Variants in SAMD12 observed in about 807,000 individuals in gnomAD.
SAMD12 encodes sterile alpha motif domain containing 12.
In SAMD12, 9 loss-of-function variants were observed where a neutral mutation model predicts 15.0. That is an observed-to-expected ratio of 0.60 (90% CI 0.36 to 1.05). The LOEUF (loss-of-function observed/expected upper bound fraction) is 1.05, where lower values mean the gene tolerates loss of function less well. SAMD12 is among the 50% of genes least tolerant of loss of function. The probability of loss-of-function intolerance (pLI) is 0.01; values close to 1 mark genes in which losing one functional copy is unlikely to be tolerated. For synonymous variants in SAMD12, 86 were observed against 90.1 expected (o/e 0.96, Z 0.25); for missense variants, 230 against 234.2 (o/e 0.98, Z 0.12).
chr8:118,530,981 C>A (rs770456819), intron 2 of SAMD12, among the ~76,000 whole-genome samples: 5 of 152,164 alleles, frequency 3.3e-5, no homozygotes, highest in Non-Finnish European at 5.9e-5. Context: ...GCTAGGGCTA[C>A]AGGCACATGC....
intron 4 of SAMD12, among the ~76,000 whole-genome samples, chr8:118,298,999 A>G (rs1422000778): frequency 6.6e-6 from 1 of 152,176 alleles, no homozygotes; most frequent in East Asian, 1.9e-4. Context: ...CTTTGGTTTC[A>G]TATAAGGTAG....
intron 4 of SAMD12, among the ~76,000 whole-genome samples, chr8:118,272,250 C>T (rs1813374849): frequency 6.6e-6 from 1 of 152,358 alleles, no homozygotes; most frequent in African/African-American, 2.4e-5. Flanking sequence ...GGGGCTTACA[C>T]CCTCTTAAGC....
chr8:118,612,791 A>T (rs1450020898), intron 1 of SAMD12, among the ~76,000 whole-genome samples: 1 of 152,368 alleles, frequency 6.6e-6, no homozygotes, highest in Non-Finnish European at 1.5e-5. Flanking sequence ...CATGATTACC[A>T]ATTACTGGAA....
chr8:118,507,066 T>C (rs1301365893), intron 2 of SAMD12, among the ~76,000 whole-genome samples: 1 of 152,074 alleles, frequency 6.6e-6, no homozygotes, highest in African/African-American at 2.4e-5. Context: ...ACATAATCAG[T>C]CTAGCTACAA....
At chr8:118,298,772 T>C (rs996864314) in intron 4 of SAMD12, among the ~76,000 whole-genome samples, 1 of 152,066 alleles carries the variant, frequency 6.6e-6, no homozygotes, top group Non-Finnish European at 1.5e-5. Context: ...AAATGTACAA[T>C]AGAGTAAGCA....
At chr8:118,485,302 A>G (rs1824246094) in intron 2 of SAMD12, among the ~76,000 whole-genome samples, 1 of 152,160 alleles carries the variant, frequency 6.6e-6, no homozygotes, top group Admixed American at 6.5e-5. Flanking sequence ...AATTCACACA[A>G]AAGCTGCAAT....
chr8:118,354,163 A>C (rs898463628), intron 4 of SAMD12, among the ~76,000 whole-genome samples: 1 of 152,214 alleles, frequency 6.6e-6, no homozygotes, highest in Non-Finnish European at 1.5e-5. Context: ...AAATTTCAAC[A>C]AACAACTTGT....
chr8:118,261,051 G>C (rs548358799), intron 4 of SAMD12, among the ~76,000 whole-genome samples: 9 of 151,982 alleles, frequency 5.9e-5, no homozygotes, highest in Non-Finnish European at 1.3e-4. Flanking sequence ...CTCAACAAAC[G>C]TTTGTTAAAA....
At chr8:118,492,067 C>G in intron 2 of SAMD12, among the ~76,000 whole-genome samples, 1 of 149,508 alleles carries the variant, frequency 6.7e-6, no homozygotes, top group East Asian at 1.9e-4. Flanking sequence ...ATTTTACATT[C>G]TCACTCGCAA....
chr8:118,349,042 T>A (rs1817816756), intron 4 of SAMD12, among the ~76,000 whole-genome samples: 1 of 152,224 alleles, frequency 6.6e-6, no homozygotes, highest in Admixed American at 6.5e-5. Context: ...CAGCCTTCAA[T>A]TAAACCTGGC....
the SAMD12 span, among the ~76,000 whole-genome samples, chr8:118,148,014 G>A: frequency 6.6e-6 from 1 of 151,316 alleles, no homozygotes; most frequent in African/African-American, 2.4e-5. Flanking sequence ...TGCAGCCTCT[G>A]CCACCCAGGT....
chr8:118,510,650 G>C (rs1825054774), intron 2 of SAMD12, among the ~76,000 whole-genome samples: 1 of 152,128 alleles, frequency 6.6e-6, no homozygotes, highest in Non-Finnish European at 1.5e-5. Context: ...TGAGCAAAGG[G>C]GGCATCATCT....
At chr8:118,274,514 G>A (rs918044889) in intron 4 of SAMD12, among the ~76,000 whole-genome samples, 8 of 152,092 alleles carry the variant, frequency 5.3e-5, no homozygotes, top group Non-Finnish European at 8.8e-5. Context: ...TATCTATTAC[G>A]AGCTTAACAT....
intron 4 of SAMD12, among the ~76,000 whole-genome samples, chr8:118,217,025 GA>G (rs1158806376): frequency 1.3e-5 from 2 of 151,600 alleles, no homozygotes; most frequent in African/African-American, 2.4e-5. Flanking sequence ...TTTTTTTTGA[GA>G]CGGAGTCTCG....
chr8:118,470,805 C>T (rs1229024041), intron 2 of SAMD12, among the ~76,000 whole-genome samples: 1 of 152,172 alleles, frequency 6.6e-6, no homozygotes, highest in Non-Finnish European at 1.5e-5. Flanking sequence ...CATTTGCTCC[C>T]TCTAAAGAGT....
At chr8:118,589,785 A>G (rs1009427289) in intron 1 of SAMD12, among the ~76,000 whole-genome samples, 2 of 152,230 alleles carry the variant, frequency 1.3e-5, no homozygotes, top group Non-Finnish European at 2.9e-5. Flanking sequence ...CTTTATGTAT[A>G]TGAATTGAAC....
intron 2 of SAMD12, among the ~76,000 whole-genome samples, chr8:118,478,013 C>CA (rs10629817): frequency 0.067 from 5,860 of 88,062 alleles, 366 homozygotes; most frequent in African/African-American, 0.17. Flanking sequence ...GACCCTGTCT[C>CA]AAAAAAAAAA....
At position 118,379,551 on chromosome 8, in the gene SAMD12, ATAGGGTAC is replaced by A; in HGVS notation, c.464_471del (p.Gly155ValfsTer4). On this transcript the variant is annotated frameshift_variant, in exon 4 of 4. Transcript: ENST00000314727. LOFTEE classifies it low-confidence loss of function (END_TRUNC). ...CCATCCATCCACCCATCAGGAAGCA[ATAGGGTAC>A]CTTGTGTGAGTAACTGTAGATTTCT... The A allele has an allele frequency of 6.2e-7, 1 of 1,613,868 alleles. No homozygotes were observed. Among genetic ancestry groups the A allele is most frequent in the East Asian group, 2.2e-5 (1 of 44,870 alleles).
At chr8:118,451,120 C>T (rs1395031357) in intron 2 of SAMD12, among the ~76,000 whole-genome samples, 1 of 152,190 alleles carries the variant, frequency 6.6e-6, no homozygotes, top group Non-Finnish European at 1.5e-5. Flanking sequence ...TAAAGTAACT[C>T]ATCCAAGGTC....
Sources: allele counts gnomAD v4.1 joint callset (sites outside exome capture counted in the v4.1 genomes callset), GRCh38; gene constraint gnomAD v4.1.1; transcripts MANE v1.5; gene names NCBI Gene and HGNC (gene_info 2026-07-23, HGNC 2026-07-21).